The following PDK1 variants were observed in gnomAD, a reference collection of about 807,000 sequenced individuals.
The protein encoded by PDK1 is pyruvate dehydrogenase kinase 1.
Under a neutral mutation model 54.2 loss-of-function variants are expected in PDK1, and 39 were observed. The observed-to-expected ratio is 0.72, with a 90% CI of 0.56 to 0.94. The LOEUF is 0.94. Among genes scored for constraint, PDK1 ranks in the 40% least tolerant of loss-of-function variants. The pLI is 0.00. For synonymous variants in PDK1, 221 were observed against 207.1 expected (o/e 1.07, Z -0.58); for missense variants, 552 against 566.0 (o/e 0.98, Z 0.25).
At chr2:172,707,314 T>C in the PDK1 span, among the ~76,000 whole-genome samples, 2 of 152,148 alleles carry the variant, frequency 1.3e-5, no homozygotes, top group East Asian at 1.9e-4. Context: ...TACAGCCTGG[T>C]GTGGTTGGAA....
At chr2:172,638,324 A>G in the PDK1 span, among the ~76,000 whole-genome samples, 1 of 152,232 alleles carries the variant, frequency 6.6e-6, no homozygotes, top group Non-Finnish European at 1.5e-5. Context: ...AACAAATTAA[A>G]ATGAACCTTT....
At chr2:172,706,946 T>G in the PDK1 span, among the ~76,000 whole-genome samples, 2 of 152,072 alleles carry the variant, frequency 1.3e-5, no homozygotes, top group Non-Finnish European at 2.9e-5. Context: ...CTGGGTGAGG[T>G]GGGAGTTCCA....
At chr2:172,590,607 A>C (rs1690514727) in intron 9 of PDK1, among the ~76,000 whole-genome samples, 1 of 152,206 alleles carries the variant, frequency 6.6e-6, no homozygotes. Flanking sequence ...GTTACGGCTC[A>C]TAAAGATAGT....
chr2:172,570,682 T>G, intron 7 of PDK1, 44 bp from the exon 8 acceptor site: 3 of 1,173,006 alleles, frequency 2.6e-6, no homozygotes, highest in Non-Finnish European at 3.8e-6. Context: ...CACTTTCTCT[T>G]TTCTAAAAAG....
chr2:172,621,800 T>C, the PDK1 span, among the ~76,000 whole-genome samples: 1 of 113,954 alleles, frequency 8.8e-6, no homozygotes, highest in Admixed American at 8.0e-5. Context: ...GTATGATATA[T>C]GTTTATATCT....
At chr2:172,656,905 G>C in the PDK1 span, among the ~76,000 whole-genome samples, 2 of 152,196 alleles carry the variant, frequency 1.3e-5, no homozygotes, top group Non-Finnish European at 2.9e-5. Flanking sequence ...ACTCTTGGAG[G>C]TAAGACTCAA....
chr2:172,656,274 A>G, the PDK1 span, among the ~76,000 whole-genome samples: 1 of 152,236 alleles, frequency 6.6e-6, no homozygotes, highest in Non-Finnish European at 1.5e-5. Flanking sequence ...ATAAGCTACT[A>G]TACATTCAAC....
At chr2:172,671,433 AATAG>A in the PDK1 span, among the ~76,000 whole-genome samples, 1 of 151,362 alleles carries the variant, frequency 6.6e-6, no homozygotes, top group Non-Finnish European at 1.5e-5. Flanking sequence ...AAATAACCAA[AATAG>A]ATTGGAATGT....
the PDK1 span, among the ~76,000 whole-genome samples, chr2:172,663,037 TG>T: frequency 6.6e-6 from 1 of 152,200 alleles, no homozygotes; most frequent in Admixed American, 6.5e-5. Flanking sequence ...TGTATTAGTT[TG>T]CCAGGGTTAA....
At chr2:172,656,904 G>A in the PDK1 span, among the ~76,000 whole-genome samples, 1 of 152,214 alleles carries the variant, frequency 6.6e-6, no homozygotes, top group African/African-American at 2.4e-5. Context: ...GACTCTTGGA[G>A]GTAAGACTCA....
the PDK1 span, among the ~76,000 whole-genome samples, chr2:172,713,768 C>T: frequency 1.3e-5 from 2 of 152,298 alleles, no homozygotes; most frequent in South Asian, 2.1e-4. Flanking sequence ...CAGCTGTGTC[C>T]GGGAGGGCAA....
chr2:172,686,613 C>T, the PDK1 span, among the ~76,000 whole-genome samples: 2 of 152,034 alleles, frequency 1.3e-5, no homozygotes, highest in African/African-American at 4.8e-5. Context: ...CCTGCTTGGG[C>T]CACTTTTTAC....
In PDK1 at chr2:172,564,938, G is replaced by A. The variant is rs377680754; in HGVS notation, c.596-40G>A. The A allele has an allele frequency of 1.6e-5, 21 of 1,311,274 alleles. No individual in the cohort carries two copies. The African/African-American group carries it at 2.6e-4, about 16-fold the overall frequency. 81.2% of individuals were successfully genotyped at this position (1,311,274 alleles called of 1,614,324 possible). Reference sequence around the variant, plus strand: ...TCAGATTTGGAAAAGAGCATTAGGTGGTTTAGCTTATTTTGTTGGTTTTTT... The same window carrying A: ...TCAGATTTGGAAAAGAGCATTAGGTAGTTTAGCTTATTTTGTTGGTTTTTT... On this transcript the variant is annotated intron_variant, in intron 4 of 10. Transcript: ENST00000282077.
intron 6 of PDK1, 99 bp downstream of exon 6, chr2:172,567,032 C>A: frequency 1.3e-6 from 1 of 769,666 alleles, no homozygotes; most frequent in Non-Finnish European, 2.2e-6. Context: ...TTTTTATCAA[C>A]TTCGTTGGAT....
intron 9 of PDK1, among the ~76,000 whole-genome samples, chr2:172,588,454 G>A (rs1190024573): frequency 6.6e-6 from 1 of 152,198 alleles, no homozygotes; most frequent in Non-Finnish European, 1.5e-5. Context: ...AATTAAGTGA[G>A]TTGATACATG....
chr2:172,569,004 G>C (rs1383502184), intron 7 of PDK1, among the ~76,000 whole-genome samples, 187 bp downstream of exon 7: 4 of 152,202 alleles, frequency 2.6e-5, no homozygotes, highest in African/African-American at 4.8e-5. Flanking sequence ...GGTGAGCTCA[G>C]ACTATGGAGT....
At chr2:172,568,664 T>C in intron 6 of PDK1, 77 bp from the exon 7 acceptor site, 1 of 875,736 alleles carries the variant, frequency 1.1e-6, no homozygotes, top group Admixed American at 1.8e-5. Flanking sequence ...TTTCTTTTCA[T>C]CACTACACAG....
the PDK1 span, among the ~76,000 whole-genome samples, chr2:172,701,006 G>A: frequency 6.6e-6 from 1 of 152,092 alleles, no homozygotes; most frequent in Admixed American, 6.6e-5. Context: ...AGGGGAGAGG[G>A]AGAGGGAGAG....
chr2:172,666,519 C>T, the PDK1 span, among the ~76,000 whole-genome samples: 3 of 152,194 alleles, frequency 2.0e-5, no homozygotes, highest in Non-Finnish European at 4.4e-5. Context: ...ACTGCTGTGT[C>T]GTTCCCCTAT....
Sources: gnomAD v4.1 joint callset for allele counts (sites outside exome capture counted in the v4.1 genomes callset) on GRCh38, gnomAD v4.1.1 for gene constraint, MANE v1.5 for transcripts, NCBI Gene and HGNC (gene_info 2026-07-23, HGNC 2026-07-21) for gene names.